The following DCTN6 variants were observed in gnomAD, a reference collection of about 807,000 sequenced individuals.
The protein encoded by DCTN6 is dynactin subunit 6.
In DCTN6, 15 loss-of-function variants were observed where a neutral mutation model predicts 25.8. The ratio of observed to expected loss-of-function variants is 0.58; its 90% CI spans 0.39 to 0.89. The LOEUF is 0.89. Ranked by LOEUF, DCTN6 falls within the 40% of genes least tolerant of loss-of-function variation. The pLI is 0.00. For missense variants in DCTN6, 198 were observed against 237.6 expected, an observed-to-expected ratio of 0.83 and a Z score of 1.09; for synonymous variants, 64 against 78.3, an observed-to-expected ratio of 0.82 and a Z score of 0.96.
chr8:30,164,634 A>G (rs1803641618), intron 2 of DCTN6, among the ~76,000 whole-genome samples: 1 of 152,178 alleles, frequency 6.6e-6, no homozygotes, highest in African/African-American at 2.4e-5. Context: ...TTTCCCATCT[A>G]TATAATTGTG....
chr8:30,176,968 A>G, intron 3 of DCTN6, 158 bp from the exon 4 acceptor site: 1 of 554,378 alleles, frequency 1.8e-6, no homozygotes, highest in East Asian at 3.2e-5. Context: ...GTGAGATTCC[A>G]TATCAAAAAA....
chr8:30,156,552 G>A (rs1479977720), intron 1 of DCTN6, 146 bp downstream of exon 1: 2 of 957,452 alleles, frequency 2.1e-6, no homozygotes, highest in Non-Finnish European at 3.2e-6. Context: ...GGCGTCCACT[G>A]AGGGAGGGGG....
At chr8:30,162,589 G>A (rs1803611143) in intron 1 of DCTN6, among the ~76,000 whole-genome samples, 2 of 152,164 alleles carry the variant, frequency 1.3e-5, no homozygotes, top group Non-Finnish European at 2.9e-5. Context: ...AACTATCACT[G>A]TAATGGAGAA....
Position 30,177,215 on chromosome 8 carries a change from G to A in DCTN6, c.283+1G>A. ...AATAATGTGTTTGAAGTTGGCTGTT[G>A]TATCCTTTACAATAATCTACCATAA... On this transcript the variant is annotated splice_donor_variant, in intron 4 of 6. Coordinates refer to ENST00000221114, the MANE Select transcript of DCTN6 (RefSeq NM_006571.4). LOFTEE classifies it high-confidence loss of function. The A allele has an allele frequency of 1.9e-6, 3 of 1,611,616 alleles. No individual in the cohort carries two copies. The highest frequency in any genetic ancestry group is 2.5e-6 in the Non-Finnish European group (3 of 1,178,262).
chr8:30,176,347 G>A (rs1475131247), intron 3 of DCTN6, among the ~76,000 whole-genome samples: 1 of 150,766 alleles, frequency 6.6e-6, no homozygotes, highest in Non-Finnish European at 1.5e-5. Flanking sequence ...GACCAATATG[G>A]TGAAACCCCG....
At chr8:30,157,672 C>T (rs1246765375) in intron 1 of DCTN6, among the ~76,000 whole-genome samples, 1 of 152,164 alleles carries the variant, frequency 6.6e-6, no homozygotes, top group Non-Finnish European at 1.5e-5. Flanking sequence ...GGCTTCTTCT[C>T]CGGTAGTCTT....
intron 2 of DCTN6, 65 bp from the exon 3 acceptor site, chr8:30,175,020 C>A: frequency 6.7e-7 from 1 of 1,487,454 alleles, no homozygotes; most frequent in Non-Finnish European, 9.3e-7. Flanking sequence ...TCCTCAGTCA[C>A]CTTCCACCCT....
chr8:30,172,354 T>C (rs16876610), intron 2 of DCTN6, among the ~76,000 whole-genome samples: 7,630 of 152,284 alleles, frequency 0.05, 319 homozygotes, highest in East Asian at 0.27. Flanking sequence ...TATTTCTTGG[T>C]GTGAAAGAAG....
At chr8:30,163,860 G>A (rs1209784287) in intron 1 of DCTN6, among the ~76,000 whole-genome samples, 3 of 151,952 alleles carry the variant, frequency 2.0e-5, no homozygotes, top group East Asian at 3.9e-4. Flanking sequence ...TCGCCACCAC[G>A]CCTGGCTAGT....
At chr8:30,169,134 A>C (rs982186987) in intron 2 of DCTN6, among the ~76,000 whole-genome samples, 8 of 152,198 alleles carry the variant, frequency 5.3e-5, no homozygotes, top group African/African-American at 1.9e-4. Context: ...TCTCTAGGAG[A>C]GTTTTAATAC....
At chr8:30,181,718 T>C (rs1424775639) in intron 6 of DCTN6, among the ~76,000 whole-genome samples, 2 of 151,946 alleles carry the variant, frequency 1.3e-5, no homozygotes, top group Non-Finnish European at 2.9e-5. Flanking sequence ...TGAGACCCCA[T>C]CTCTACAAAA....
intron 1 of DCTN6, among the ~76,000 whole-genome samples, chr8:30,158,805 G>A (rs1305722840): frequency 5.7e-5 from 7 of 122,330 alleles, no homozygotes; most frequent in Non-Finnish European, 8.3e-5. Flanking sequence ...TTTTTGAGAC[G>A]GAGTCTCACT....
chr8:30,159,913 C>T (rs769239265), intron 1 of DCTN6, among the ~76,000 whole-genome samples: 3 of 152,108 alleles, frequency 2.0e-5, no homozygotes, highest in African/African-American at 4.8e-5. Flanking sequence ...AGGTGTAAGC[C>T]ACCATACCCA....
intron 3 of DCTN6, 170 bp from the exon 4 acceptor site, chr8:30,176,956 G>A: frequency 1.9e-6 from 1 of 522,234 alleles, no homozygotes; most frequent in Non-Finnish European, 3.4e-6. Context: ...CTGGGTGATA[G>A]AGTGAGATTC....
At chr8:30,167,625 AG>A (rs1803700357) in intron 2 of DCTN6, among the ~76,000 whole-genome samples, 1 of 152,180 alleles carries the variant, frequency 6.6e-6, no homozygotes, top group African/African-American at 2.4e-5. Context: ...TTGGCCCTTC[AG>A]CTAGTTTTTG....
At chr8:30,158,162 C>T (rs1175443703) in intron 1 of DCTN6, among the ~76,000 whole-genome samples, 3 of 152,154 alleles carry the variant, frequency 2.0e-5, no homozygotes, top group Non-Finnish European at 4.4e-5. Context: ...CTCCCTTGGG[C>T]GTAAAACTGA....
At chr8:30,167,835 A>T (rs1239687692) in intron 2 of DCTN6, among the ~76,000 whole-genome samples, 1 of 151,982 alleles carries the variant, frequency 6.6e-6, no homozygotes, top group East Asian at 1.9e-4. Flanking sequence ...AGTAGCCAGA[A>T]TTACAGGCAT....
intron 2 of DCTN6, among the ~76,000 whole-genome samples, chr8:30,165,360 A>C (rs1803651160): frequency 6.6e-6 from 1 of 152,012 alleles, no homozygotes; most frequent in Non-Finnish European, 1.5e-5. Context: ...CCTGTATGCT[A>C]CCAGACTAAA....
chr8:30,167,399 G>A (rs567394381), intron 2 of DCTN6, among the ~76,000 whole-genome samples: 5 of 152,290 alleles, frequency 3.3e-5, no homozygotes, highest in East Asian at 3.9e-4. Flanking sequence ...AGGCTGGAGC[G>A]CACCAGTGTG....
Sources: allele counts gnomAD v4.1 joint callset (sites outside exome capture counted in the v4.1 genomes callset), GRCh38; gene constraint gnomAD v4.1.1; transcripts MANE v1.5; gene names NCBI Gene and HGNC (gene_info 2026-07-23, HGNC 2026-07-21).